MYO16: variants seen among roughly 807,000 people sequenced by gnomAD.
The protein encoded by MYO16 is unconventional myosin-XVI.
Under a neutral mutation model 205.3 loss-of-function variants are expected in MYO16, and 94 were observed. The ratio of observed to expected loss-of-function variants is 0.46; its 90% CI spans 0.39 to 0.54. The LOEUF is 0.54. MYO16 is among the 20% of genes least tolerant of loss of function. The pLI, the probability that MYO16 is intolerant of heterozygous loss-of-function variation, is 0.00. For synonymous variants in MYO16, 988 were observed against 954.0 expected (o/e 1.04, Z -0.66); for missense variants, 2,315 against 2,387.5 (o/e 0.97, Z 0.63).
chr13:108,737,550 T>C (rs1411937630), intron 4 of MYO16, among the ~76,000 whole-genome samples: 1 of 152,208 alleles, frequency 6.6e-6, no homozygotes, highest in Admixed American at 6.5e-5. Flanking sequence ...CAGTATTTTA[T>C]TGAGGATTTT....
intron 16 of MYO16, among the ~76,000 whole-genome samples, chr13:108,946,771 T>C (rs2139329038): frequency 6.6e-6 from 1 of 152,026 alleles, no homozygotes; most frequent in East Asian, 1.9e-4. Flanking sequence ...AGATATAGTC[T>C]CGCTCTGTCA....
chr13:108,814,961 G>T (rs1055241597), intron 7 of MYO16, among the ~76,000 whole-genome samples: 3 of 152,120 alleles, frequency 2.0e-5, no homozygotes, highest in Non-Finnish European at 2.9e-5. Flanking sequence ...GAAAGGCAAG[G>T]TTAGGAAAGG....
chr13:109,063,544 G>A (rs1887654070), intron 27 of MYO16, among the ~76,000 whole-genome samples: 1 of 152,158 alleles, frequency 6.6e-6, no homozygotes, highest in South Asian at 2.1e-4. Flanking sequence ...AGTTGAATGA[G>A]GGCATAGGAA....
Position 108,840,502 on chromosome 13 carries a change from A to G in MYO16, c.1098-3841A>G, listed in dbSNP as rs545226002. On this transcript the variant is annotated intron_variant, in intron 9 of 34. Coordinates refer to ENST00000457511, the MANE Select transcript of MYO16 (RefSeq NM_001198950.3). ...TTGTGTATTTATATACTAAAATTCA[A>G]TAAATGGAAATTGGAATTTTATTCT... 8.5e-5 allele frequency among the ~76,000 whole-genome samples: 13 copies of G among 152,284 alleles called. No individual in the cohort carries two copies. The East Asian group carries it at 2.3e-3, about 27-fold the overall frequency.
At chr13:108,676,790 G>A (rs1882231252) in intron 2 of MYO16, among the ~76,000 whole-genome samples, 1 of 152,136 alleles carries the variant, frequency 6.6e-6, no homozygotes, top group South Asian at 2.1e-4. Context: ...TTCCCAGAAT[G>A]GGAAATGTAC....
intron 2 of MYO16, among the ~76,000 whole-genome samples, chr13:108,685,211 T>C (rs1310371267): frequency 6.6e-6 from 1 of 151,930 alleles, no homozygotes; most frequent in Non-Finnish European, 1.5e-5. Context: ...TTAGTAGAGA[T>C]GGGGTTTCAC....
intron 24 of MYO16, chr13:109,048,232 G>T: frequency 1.8e-6 from 1 of 568,816 alleles, no homozygotes; most frequent in African/African-American, 1.9e-5. Context: ...TGGCTAGTCT[G>T]CTTATCTTAA....
At chr13:108,814,940 G>C (rs925245597) in intron 7 of MYO16, among the ~76,000 whole-genome samples, 1 of 151,924 alleles carries the variant, frequency 6.6e-6, no homozygotes, top group Non-Finnish European at 1.5e-5. Flanking sequence ...AATAATGCAA[G>C]AAATGAAAAT....
At chr13:108,688,498 T>A (rs1248953681) in intron 2 of MYO16, among the ~76,000 whole-genome samples, 1 of 152,164 alleles carries the variant, frequency 6.6e-6, no homozygotes. Flanking sequence ...CACCCTATTC[T>A]CCAGGTTCTT....
Position 109,055,240 on chromosome 13 carries a change from T to A in MYO16, c.3129+114T>A. The stretch of plus-strand genomic sequence containing the variant: ...AACTTAAATATCTTCACAAAAAAAG[T>A]AAACATACACACACACACACACACA... On this transcript the variant is annotated intron_variant, in intron 26 of 34. Coordinates refer to ENST00000457511, the MANE Select transcript of MYO16 (RefSeq NM_001198950.3). The surrounding 1 kb of genome is among the most constrained non-coding windows in gnomAD (Gnocchi z 5.0). The A allele has an allele frequency of 2.2e-6, 2 of 918,694 alleles. No individual in the cohort carries two copies. Among genetic ancestry groups the A allele is most frequent in the Non-Finnish European group, 3.1e-6 (2 of 643,522 alleles). The allele number at this position is 918,694 out of a possible 1,614,324, so 56.9% of individuals were successfully genotyped here.
intron 2 of MYO16, among the ~76,000 whole-genome samples, chr13:108,704,752 CCTAA>C (rs1467616879): frequency 1.3e-5 from 2 of 151,636 alleles, no homozygotes; most frequent in Non-Finnish European, 2.9e-5. Flanking sequence ...CTTAAATTAA[CCTAA>C]CTTTTTATAT....
At chr13:109,183,852 G>A (rs943788779) in intron 34 of MYO16, among the ~76,000 whole-genome samples, 10 of 152,262 alleles carry the variant, frequency 6.6e-5, no homozygotes, top group East Asian at 1.9e-4. Context: ...CATAGCTGCC[G>A]ATGAAAGCCA....
chr13:109,126,539 T>A (rs1016144865), intron 30 of MYO16, among the ~76,000 whole-genome samples: 9 of 152,224 alleles, frequency 5.9e-5, no homozygotes, highest in African/African-American at 2.2e-4. Context: ...TCCAAAATAA[T>A]ATTTATTATT....
chr13:108,859,893 G>A (rs1878371319), intron 11 of MYO16, among the ~76,000 whole-genome samples: 1 of 152,112 alleles, frequency 6.6e-6, no homozygotes, highest in Non-Finnish European at 1.5e-5. Flanking sequence ...TATTGTAATT[G>A]GATAAAAGCA....
intron 2 of MYO16, among the ~76,000 whole-genome samples, chr13:108,692,326 T>C (rs996712289): frequency 6.6e-6 from 1 of 152,210 alleles, no homozygotes; most frequent in African/African-American, 2.4e-5. Flanking sequence ...TATTCATCAG[T>C]ATAACCTAGC....
chr13:108,624,617 A>T (rs985939292), upstream of MYO16, among the ~76,000 whole-genome samples: 1 of 152,244 alleles, frequency 6.6e-6, no homozygotes, highest in Non-Finnish European at 1.5e-5. Context: ...TTCGGATTCA[A>T]GTGAAAAACC....
the MYO16 span, among the ~76,000 whole-genome samples, chr13:108,510,470 T>TTTG: frequency 4.9e-4 from 63 of 129,540 alleles, 3 homozygotes; most frequent in East Asian, 1.2e-3. Flanking sequence ...TGTTTTTTTT[T>TTTG]TTTTTTTTTT....
intron 27 of MYO16, among the ~76,000 whole-genome samples, chr13:109,096,212 C>T (rs1297178937): frequency 6.6e-6 from 1 of 152,158 alleles, no homozygotes; most frequent in Non-Finnish European, 1.5e-5. Flanking sequence ...CTCTGGGTGG[C>T]ATCCGCTCTT....
At chr13:108,901,663 G>C (rs533642221) in intron 15 of MYO16, among the ~76,000 whole-genome samples, 5 of 152,204 alleles carry the variant, frequency 3.3e-5, no homozygotes, top group Admixed American at 2.6e-4. Context: ...TACTCATTTT[G>C]TTCCCCTAAT....
Sources: allele counts gnomAD v4.1 joint callset (sites outside exome capture counted in the v4.1 genomes callset), GRCh38; gene constraint gnomAD v4.1.1; non-coding constraint Gnocchi (gnomAD v3.1); transcripts MANE v1.5; gene names NCBI Gene and HGNC (gene_info 2026-07-23, HGNC 2026-07-21).